Variants in PCA3 observed in about 807,000 individuals in gnomAD.
PCA3 encodes the protein prostate cancer associated 3.
chr9:76,768,431 G>C (rs991768204), intron 2 of PCA3, among the ~76,000 whole-genome samples: 1 of 152,046 alleles, frequency 6.6e-6, no homozygotes. Flanking sequence ...GACCTCAAGT[G>C]ATCCTCCTGC....
intron 2 of PCA3, among the ~76,000 whole-genome samples, chr9:76,777,846 AG>A (rs1400891730): frequency 1.3e-5 from 2 of 152,202 alleles, no homozygotes; most frequent in Admixed American, 6.5e-5. Flanking sequence ...AAATAAGTTC[AG>A]GGGGCTAACT....
chr9:76,769,968 A>G (rs1004705230), intron 2 of PCA3, among the ~76,000 whole-genome samples: 5 of 152,218 alleles, frequency 3.3e-5, no homozygotes, highest in African/African-American at 1.2e-4. Flanking sequence ...TATTATAAAG[A>G]TTAACTAGAC....
At chr9:76,774,547 C>T (rs2053536469) in intron 2 of PCA3, among the ~76,000 whole-genome samples, 1 of 150,858 alleles carries the variant, frequency 6.6e-6, no homozygotes, top group Non-Finnish European at 1.5e-5. Flanking sequence ...CAACCTCCAC[C>T]TCCCAGATTC....
In PCA3 at chr9:76,772,350, A is replaced by T. The variant is rs1197157276; in HGVS notation, n.852+35735A>T. Among the ~76,000 whole-genome samples, 4 of 151,834 alleles carry T rather than the reference A, an allele frequency of 2.6e-5. No homozygotes were observed. In the South Asian group the frequency reaches 6.2e-4, roughly 24 times the overall value. On this transcript the variant is annotated intron_variant and non_coding_transcript_variant, in intron 2 of 5. Coordinates refer to ENST00000644657, the Ensembl canonical transcript of PCA3. Reference sequence around the variant, plus strand: ...AAATATTTATTTTAATTTTTTTTTTAAATGGCAATAGTCATTTTGGGGGCT... The same window carrying T: ...AAATATTTATTTTAATTTTTTTTTTTAATGGCAATAGTCATTTTGGGGGCT...
chr9:76,771,399 A>C (rs1362258089), intron 2 of PCA3, among the ~76,000 whole-genome samples: 1 of 152,216 alleles, frequency 6.6e-6, no homozygotes, highest in African/African-American at 2.4e-5. Context: ...TCATGCACTT[A>C]ATAAGTCCTA....
At chr9:76,777,142 G>T (rs2131102701) in intron 2 of PCA3, among the ~76,000 whole-genome samples, 1 of 152,150 alleles carries the variant, frequency 6.6e-6, no homozygotes, top group South Asian at 2.1e-4. Context: ...GGAGAGAAGT[G>T]GGGGAGGGCA....
At chr9:76,784,085 G>T (rs985845083) in intron 2 of PCA3, 1 of 152,078 alleles carries the variant, frequency 6.6e-6, no homozygotes, top group Middle Eastern at 3.2e-3. Flanking sequence ...GCTCACCTCC[G>T]TCCCTCCATA....
At chr9:76,766,291 A>G (rs1482945784) in intron 2 of PCA3, among the ~76,000 whole-genome samples, 2 of 151,996 alleles carry the variant, frequency 1.3e-5, no homozygotes, top group Non-Finnish European at 2.9e-5. Context: ...AGGGGATACC[A>G]TATGTTCACT....
intron 2 of PCA3, among the ~76,000 whole-genome samples, chr9:76,777,439 G>A (rs1354491321): frequency 6.6e-6 from 1 of 152,162 alleles, no homozygotes; most frequent in Non-Finnish European, 1.5e-5. Flanking sequence ...ACAGAGCTCT[G>A]AGCTCAGCAC....
At chr9:76,772,738 A>AT (rs1225226578) in intron 2 of PCA3, among the ~76,000 whole-genome samples, 1 of 151,954 alleles carries the variant, frequency 6.6e-6, no homozygotes, top group Non-Finnish European at 1.5e-5. Flanking sequence ...TAATTGTTTA[A>AT]TTTTTTGTAG....
intron 2 of PCA3, among the ~76,000 whole-genome samples, chr9:76,776,254 C>T (rs1384170836): frequency 6.6e-6 from 1 of 152,112 alleles, no homozygotes; most frequent in African/African-American, 2.4e-5. Context: ...AGACATTGTA[C>T]CCAATGGGTA....
At chr9:76,784,994 A>G (rs183226951) in intron 2 of PCA3, 1 of 152,308 alleles carries the variant, frequency 6.6e-6, no homozygotes, top group African/African-American at 2.4e-5. Context: ...TCCAGTGCAA[A>G]GATGACTAAG....
intron 2 of PCA3, among the ~76,000 whole-genome samples, chr9:76,781,120 C>T (rs1229868281): frequency 6.6e-6 from 1 of 152,180 alleles, no homozygotes; most frequent in Non-Finnish European, 1.5e-5. Context: ...TTGACTGCCC[C>T]CATCCTACTT....
At chr9:76,775,140 C>T (rs746857732) in intron 2 of PCA3, among the ~76,000 whole-genome samples, 2 of 152,016 alleles carry the variant, frequency 1.3e-5, no homozygotes, top group African/African-American at 2.4e-5. Context: ...TTTATTTGGT[C>T]GGGGGGAAAG....
chr9:76,771,954 A>G (rs1263586833), intron 2 of PCA3, among the ~76,000 whole-genome samples: 1 of 152,226 alleles, frequency 6.6e-6, no homozygotes, highest in Admixed American at 6.5e-5. Flanking sequence ...CGTGGGACTC[A>G]GTGGGTTCAT....
intron 2 of PCA3, among the ~76,000 whole-genome samples, chr9:76,776,518 CTTTTTTT>C (rs796197139): frequency 1.6e-5 from 2 of 122,850 alleles, no homozygotes; most frequent in Admixed American, 8.3e-5. Context: ...TTTCTTTTTT[CTTTTTTT>C]TTTTTTTTTG....
chr9:76,776,237 G>A (rs1371408108), intron 2 of PCA3, among the ~76,000 whole-genome samples: 4 of 152,150 alleles, frequency 2.6e-5, no homozygotes, highest in Non-Finnish European at 5.9e-5. Context: ...GCCATCACCT[G>A]AATAGCAGAC....
intron 2 of PCA3, among the ~76,000 whole-genome samples, chr9:76,773,949 G>A (rs2053410745): frequency 6.6e-6 from 1 of 152,144 alleles, no homozygotes; most frequent in Non-Finnish European, 1.5e-5. Context: ...AAGAGAAGGA[G>A]CAAGTGAAAA....
intron 2 of PCA3, among the ~76,000 whole-genome samples, chr9:76,780,829 C>T (rs375234574): frequency 6.6e-6 from 1 of 152,208 alleles, no homozygotes; most frequent in Non-Finnish European, 1.5e-5. Context: ...GCTCCTCCAT[C>T]GTATCGGGAG....
Sources: allele counts gnomAD v4.1 joint callset (sites outside exome capture counted in the v4.1 genomes callset), GRCh38; gene constraint gnomAD v4.1.1; transcripts MANE v1.5; gene names NCBI Gene and HGNC (gene_info 2026-07-23, HGNC 2026-07-21).